Variants in OR7E24 observed in about 807,000 individuals in gnomAD.
OR7E24 encodes olfactory receptor family 7 subfamily E member 24, also known as olfactory receptor 7E24.
For synonymous variants in OR7E24, 130 were observed against 157.5 expected (o/e 0.83, Z 1.31); for missense variants, 385 against 410.3 (o/e 0.94, Z 0.53).
At chr19:9,219,900 A>C in the OR7E24 span, among the ~76,000 whole-genome samples, 1 of 152,172 alleles carries the variant, frequency 6.6e-6, no homozygotes, top group East Asian at 1.9e-4. Context: ...GCCCTAAGGA[A>C]AGATTAATTT....
chr19:9,214,184 G>A, the OR7E24 span: 1 of 1,614,022 alleles, frequency 6.2e-7, no homozygotes. Context: ...CAATCTGAGA[G>A]TAGGAGAAGA....
the OR7E24 span, among the ~76,000 whole-genome samples, chr19:9,215,774 A>G: frequency 6.6e-6 from 1 of 152,248 alleles, no homozygotes; most frequent in South Asian, 2.1e-4. Context: ...ACTTAGATAT[A>G]TAACTCTTCC....
chr19:9,241,074 C>G, the OR7E24 span, among the ~76,000 whole-genome samples: 1 of 152,182 alleles, frequency 6.6e-6, no homozygotes, highest in Admixed American at 6.5e-5. Flanking sequence ...GCCTCGGCCA[C>G]CCAAATGCTG....
At chr19:9,220,781 C>T in the OR7E24 span, among the ~76,000 whole-genome samples, 24 of 152,242 alleles carry the variant, frequency 1.6e-4, no homozygotes, top group African/African-American at 5.3e-4. Flanking sequence ...TTTGAGGAAC[C>T]TCCATACTCT....
At chr19:9,220,054 T>TCCC in the OR7E24 span, among the ~76,000 whole-genome samples, 1 of 151,920 alleles carries the variant, frequency 6.6e-6, no homozygotes, top group Non-Finnish European at 1.5e-5. Flanking sequence ...AAATTATTTT[T>TCCC]ATATATTTTT....
At chr19:9,243,776 C>G (rs925703917), upstream of OR7E24, among the ~76,000 whole-genome samples, 2 of 152,168 alleles carry the variant, frequency 1.3e-5, no homozygotes, top group African/African-American at 2.4e-5. Flanking sequence ...TATGGATTCA[C>G]CTCAGAGGGT....
the OR7E24 span, among the ~76,000 whole-genome samples, chr19:9,232,739 C>T: frequency 6.6e-6 from 1 of 152,012 alleles, no homozygotes; most frequent in African/African-American, 2.4e-5. Context: ...ATCTATGAAA[C>T]CTCCGCTGTT....
the OR7E24 span, chr19:9,206,643 A>C: frequency 6.6e-6 from 1 of 152,202 alleles, no homozygotes; most frequent in Non-Finnish European, 1.5e-5. Flanking sequence ...AAAGTCCATT[A>C]GTTATATTGT....
At chr19:9,223,514 A>G in the OR7E24 span, among the ~76,000 whole-genome samples, 11 of 152,212 alleles carry the variant, frequency 7.2e-5, no homozygotes, top group Non-Finnish European at 1.6e-4. Context: ...TTCAAAGCCC[A>G]TGACCAGGTG....
At chr19:9,239,717 T>TC in the OR7E24 span, among the ~76,000 whole-genome samples, 4 of 146,732 alleles carry the variant, frequency 2.7e-5, no homozygotes, top group Non-Finnish European at 6.0e-5. Flanking sequence ...CTTTTTTTTT[T>TC]TTTTTTTTTG....
rs755419061 is a variant in OR7E24 at position 9,251,729 on chromosome 19, T to C, written c.686T>C (p.Ile229Thr). ...GGTGCCATATTTGGCTGTCTCCCTA[T>C]CTCAGGGATCCTTTTCTCTTACTAT... ...FMGAIFGCLP[I>T]SGILFSYYKI... The change falls in exon 1 of 1, where the codon ATC becomes ACC. Residue 229 changes from isoleucine to threonine, a missense_variant. Transcript: ENST00000456448. 6.2e-7 allele frequency: 1 copy of C among 1,612,780 alleles called. No individual in the cohort carries two copies. The highest frequency in any genetic ancestry group is 8.5e-7 in the Non-Finnish European group (1 of 1,179,236).
chr19:9,238,712 A>G, the OR7E24 span, among the ~76,000 whole-genome samples: 1 of 151,970 alleles, frequency 6.6e-6, no homozygotes, highest in Admixed American at 6.6e-5. Context: ...GGTAACCTCA[A>G]TTTACTCTGT....
At chr19:9,231,869 G>C in the OR7E24 span, among the ~76,000 whole-genome samples, 1 of 151,998 alleles carries the variant, frequency 6.6e-6, no homozygotes, top group Non-Finnish European at 1.5e-5. Context: ...TCTATATTCA[G>C]GCATGAAATG....
the OR7E24 span, chr19:9,235,834 A>G: frequency 2.5e-6 from 4 of 1,610,314 alleles, no homozygotes; most frequent in Non-Finnish European, 3.4e-6. Flanking sequence ...AATGTCCTCC[A>G]CCGAGGGCAA....
At chr19:9,222,639 T>C in the OR7E24 span, among the ~76,000 whole-genome samples, 1,347 of 152,206 alleles carry the variant, frequency 8.8e-3, 23 homozygotes, top group Admixed American at 0.047. Context: ...TTGATTTTTA[T>C]ATGTCGATTA....
chr19:9,239,031 G>C, the OR7E24 span, among the ~76,000 whole-genome samples: 1 of 152,158 alleles, frequency 6.6e-6, no homozygotes, highest in Admixed American at 6.5e-5. Context: ...TCAGTAGTGG[G>C]ATTGCTGGAT....
the OR7E24 span, chr19:9,207,426 A>AAT: frequency 6.6e-6 from 1 of 152,210 alleles, no homozygotes; most frequent in Non-Finnish European, 1.5e-5. Flanking sequence ...TGAAAAGACA[A>AAT]ATATGGCATG....
chr19:9,232,106 C>T, the OR7E24 span, among the ~76,000 whole-genome samples: 1 of 152,106 alleles, frequency 6.6e-6, no homozygotes, highest in Admixed American at 6.6e-5. Flanking sequence ...AAAAATCAAG[C>T]TGCAGACATA....
At position 9,252,058 on chromosome 19, in the gene OR7E24, G is replaced by A; in HGVS notation, c.1015G>A (p.Gly339Arg). The change falls in exon 1 of 1, where the codon GGA becomes AGA. Residue 339 changes from glycine (G) to arginine (R), a missense_variant. Physicochemically the swap from Gly to Arg is moderately radical, Grantham distance 125. Transcript: ENST00000456448. ...SHHLHPFCYM[G>R] ...TCATCTCCATCCTTTTTGTTATATGGGATAGAAATGGCAGCAAAATTTAAC... is the reference window on the plus strand; with the variant it reads ...TCATCTCCATCCTTTTTGTTATATGAGATAGAAATGGCAGCAAAATTTAAC... 1 of 1,610,386 alleles carries A rather than the reference G, an allele frequency of 6.2e-7. No homozygotes were observed. Among genetic ancestry groups the A allele is most frequent in the Non-Finnish European group, 8.5e-7 (1 of 1,177,628 alleles).
Sources: allele counts gnomAD v4.1 joint callset (sites outside exome capture counted in the v4.1 genomes callset), GRCh38; gene constraint gnomAD v4.1.1; transcripts MANE v1.5; gene names NCBI Gene and HGNC (gene_info 2026-07-23, HGNC 2026-07-21).